The following ZNF676 variants were observed in gnomAD, a reference collection of about 807,000 sequenced individuals.
The protein encoded by ZNF676 is zinc finger protein 676.
Under a neutral mutation model 6.0 loss-of-function variants are expected in ZNF676, and 4 were observed. The observed-to-expected ratio is 0.67, with a 90% CI of 0.33 to 1.53. The LOEUF (loss-of-function observed/expected upper bound fraction) is 1.53, where lower values mean the gene tolerates loss of function less well. Among genes scored for constraint, ZNF676 ranks in the 40% most tolerant of loss-of-function variants. The pLI is 0.06. For synonymous variants in ZNF676, 198 were observed against 223.1 expected (o/e 0.89, Z 1.00); for missense variants, 644 against 679.7 (o/e 0.95, Z 0.58).
chr19:22,247,613 T>G, the ZNF676 span, among the ~76,000 whole-genome samples: 4 of 144,748 alleles, frequency 2.8e-5, no homozygotes, highest in Admixed American at 2.1e-4. Context: ...GTAATGTCAC[T>G]CTTGGTTAAA....
At chr19:22,239,629 A>G in the ZNF676 span, among the ~76,000 whole-genome samples, 1 of 152,194 alleles carries the variant, frequency 6.6e-6, no homozygotes, top group Non-Finnish European at 1.5e-5. Flanking sequence ...AAAACTTTGG[A>G]CTGCCAGAGG....
the ZNF676 span, among the ~76,000 whole-genome samples, chr19:22,239,823 A>G: frequency 6.6e-6 from 1 of 152,170 alleles, no homozygotes; most frequent in Non-Finnish European, 1.5e-5. Flanking sequence ...ATTTGTCACA[A>G]TGTCCCCTTT....
chr19:22,240,785 C>T, the ZNF676 span, among the ~76,000 whole-genome samples: 1 of 151,940 alleles, frequency 6.6e-6, no homozygotes, highest in South Asian at 2.1e-4. Context: ...GAGTGAGACT[C>T]CATCTCAAAA....
the ZNF676 span, among the ~76,000 whole-genome samples, chr19:22,253,405 T>C: frequency 0.033 from 2,412 of 73,650 alleles, 95 homozygotes; most frequent in African/African-American, 0.11. Context: ...TGATAATGTG[T>C]ATATATATAT....
chr19:22,197,858 A>T (rs1464812025), upstream of ZNF676, among the ~76,000 whole-genome samples: 1 of 152,210 alleles, frequency 6.6e-6, no homozygotes, highest in Non-Finnish European at 1.5e-5. Flanking sequence ...ATGTACCCAG[A>T]AGGACACAGT....
the ZNF676 span, among the ~76,000 whole-genome samples, chr19:22,235,059 C>A: frequency 3.6e-4 from 49 of 136,852 alleles, no homozygotes; most frequent in African/African-American, 1.3e-3. Context: ...GGCAGAAAGG[C>A]AGGAAGAAGG....
chr19:22,240,839 A>G, the ZNF676 span, among the ~76,000 whole-genome samples: 1 of 152,062 alleles, frequency 6.6e-6, no homozygotes, highest in Non-Finnish European at 1.5e-5. Flanking sequence ...GAGCCCAGAT[A>G]TGTCCCAATC....
intron 2 of ZNF676, among the ~76,000 whole-genome samples, chr19:22,186,955 T>C (rs545096520): frequency 2.1e-4 from 32 of 152,136 alleles, no homozygotes; most frequent in Admixed American, 5.2e-4. Context: ...CACCCCACTG[T>C]CAATATTAGA....
At position 22,204,860 on chromosome 19, in the gene ZNF676, G is replaced by C. The variant is rs1292024487; in HGVS notation, c.4-8134C>G. 2.6e-5 allele frequency among the ~76,000 whole-genome samples: 4 copies of C among 152,096 alleles called. No individual in the cohort carries two copies. The East Asian group carries it at 5.8e-4, about 22-fold the overall frequency. On this transcript the variant is annotated intron_variant, in intron 1 of 3. Transcript: ENST00000650058. ...ATTCTGAGTCAAAAGAATGACAAAA[G>C]GTTTGTTTCATTTCTAATATGATTT... is the stretch of plus-strand genomic sequence containing the variant.
chr19:22,212,579 C>A (rs1433374027), intron 1 of ZNF676, among the ~76,000 whole-genome samples: 1 of 152,046 alleles, frequency 6.6e-6, no homozygotes, highest in Non-Finnish European at 1.5e-5. Context: ...GTGGTGGGCA[C>A]CTGTAGTCCC....
the ZNF676 span, among the ~76,000 whole-genome samples, chr19:22,253,217 C>G: frequency 1.3e-5 from 2 of 151,788 alleles, no homozygotes; most frequent in East Asian, 1.9e-4. Context: ...CCTCAACAGT[C>G]AGCTGTGTTC....
upstream of ZNF676, among the ~76,000 whole-genome samples, chr19:22,197,126 C>T (rs150929375): frequency 2.7e-3 from 406 of 152,002 alleles, 2 homozygotes; most frequent in African/African-American, 9.5e-3. Flanking sequence ...AGTTCGAGAC[C>T]AGCCTGACCA....
At chr19:22,253,366 G>GTATATATATATA in the ZNF676 span, among the ~76,000 whole-genome samples, 4 of 63,716 alleles carry the variant, frequency 6.3e-5, no homozygotes, top group African/African-American at 1.8e-4. Context: ...GTGTGTGTGT[G>GTATATATATATA]TGTGTGTATA....
At chr19:22,238,501 C>A in the ZNF676 span, among the ~76,000 whole-genome samples, 1 of 152,162 alleles carries the variant, frequency 6.6e-6, no homozygotes, top group Non-Finnish European at 1.5e-5. Context: ...GAGTCCTTAG[C>A]ATTTTTGGGT....
At chr19:22,202,540 G>A (rs546691098) in intron 1 of ZNF676, among the ~76,000 whole-genome samples, 1 of 152,066 alleles carries the variant, frequency 6.6e-6, no homozygotes, top group Non-Finnish European at 1.5e-5. Flanking sequence ...ACAAGGTTTG[G>A]AAAATACAGT....
At chr19:22,215,297 G>GAGC (rs2024172875) in intron 1 of ZNF676, among the ~76,000 whole-genome samples, 1 of 152,082 alleles carries the variant, frequency 6.6e-6, no homozygotes, top group Non-Finnish European at 1.5e-5. Flanking sequence ...ACGGACCAAA[G>GAGC]CTCTTCCCAT....
rs191103653 is a variant in ZNF676 at position 22,202,063 on chromosome 19, A to G, written c.4-5337T>C. ...ACTTTTTTTTTTCTTTTCAATTCTC[A>G]AGACCTAGATTTAGAATTTGGAGCT... On this transcript the variant is annotated intron_variant, in intron 1 of 3. Coordinates refer to the ZNF676 transcript ENST00000650058. Among the ~76,000 whole-genome samples the G allele has an allele frequency of 4.1e-3, 619 of 152,164 alleles. 5 individuals carry two copies. The highest frequency in any genetic ancestry group is 0.014 in the African/African-American group (588 of 41,530).
chr19:22,203,401 T>C (rs527980094), intron 1 of ZNF676: 2 of 153,248 alleles, frequency 1.3e-5, no homozygotes, highest in South Asian at 2.1e-4. Flanking sequence ...AAACAGCTCT[T>C]ATTCTGAGAA....
upstream of ZNF676, among the ~76,000 whole-genome samples, chr19:22,216,192 T>G (rs2024187464): frequency 6.6e-6 from 1 of 152,220 alleles, no homozygotes; most frequent in Non-Finnish European, 1.5e-5. Context: ...CCCATCAGTT[T>G]GGGAGGCCGA....
Sources: allele counts gnomAD v4.1 joint callset (sites outside exome capture counted in the v4.1 genomes callset), GRCh38; gene constraint gnomAD v4.1.1; transcripts MANE v1.5; gene names NCBI Gene and HGNC (gene_info 2026-07-23, HGNC 2026-07-21).